Variants in GLTP observed in about 807,000 individuals in gnomAD.
GLTP encodes glycolipid transfer protein.
Under a neutral mutation model 24.0 loss-of-function variants are expected in GLTP, and 22 were observed. The ratio of observed to expected loss-of-function variants is 0.92; its 90% CI spans 0.65 to 1.31. The LOEUF is 1.31. Among genes scored for constraint, GLTP ranks in the 50% most tolerant of loss-of-function variants. The probability of loss-of-function intolerance (pLI) is 0.00; values close to 1 mark genes in which losing one functional copy is unlikely to be tolerated. For synonymous variants in GLTP, 92 were observed against 115.9 expected, an observed-to-expected ratio of 0.79 and a Z score of 1.33; for missense variants, 224 against 276.6, an observed-to-expected ratio of 0.81 and a Z score of 1.35.
intron 1 of GLTP, among the ~76,000 whole-genome samples, chr12:109,875,097 G>A (rs1438983589): frequency 6.6e-6 from 1 of 152,034 alleles, no homozygotes; most frequent in Non-Finnish European, 1.5e-5. Flanking sequence ...GAGAGAGAAG[G>A]GCCCAGCATC....
chr12:109,859,015 A>G (rs1177458548), intron 1 of GLTP, among the ~76,000 whole-genome samples: 2 of 152,144 alleles, frequency 1.3e-5, no homozygotes, highest in Non-Finnish European at 2.9e-5. Flanking sequence ...CCTAAGACAC[A>G]CATTTGATTC....
At chr12:109,877,446 T>C (rs926075444) in intron 1 of GLTP, among the ~76,000 whole-genome samples, 1 of 152,178 alleles carries the variant, frequency 6.6e-6, no homozygotes, top group Admixed American at 6.5e-5. Context: ...TATCTAGAGC[T>C]ATGGTTCTCA....
chr12:109,869,317 A>AAAAG (rs1214165499), intron 1 of GLTP, among the ~76,000 whole-genome samples: 59 of 136,770 alleles, frequency 4.3e-4, no homozygotes, highest in Middle Eastern at 3.8e-3. Flanking sequence ...AAAAAAAAAA[A>AAAAG]AAAGAAAGAA....
intron 1 of GLTP, among the ~76,000 whole-genome samples, chr12:109,864,465 C>T (rs7966820): frequency 0.55 from 83,056 of 151,992 alleles, 23,294 homozygotes; most frequent in South Asian, 0.66. Flanking sequence ...TCAGGCCCTT[C>T]GGTTTCTACA....
chr12:109,861,262 T>A (rs778940348), intron 1 of GLTP, among the ~76,000 whole-genome samples: 9 of 152,056 alleles, frequency 5.9e-5, no homozygotes, highest in Non-Finnish European at 1.2e-4. Context: ...AGAAACAGCA[T>A]TAAACATTTA....
At chr12:109,861,717 C>T (rs954560245) in intron 1 of GLTP, among the ~76,000 whole-genome samples, 1 of 150,794 alleles carries the variant, frequency 6.6e-6, no homozygotes, top group African/African-American at 2.4e-5. Context: ...CACTGCACTC[C>T]AGCCTGGCGA....
chr12:109,858,549 G>A (rs1464567435), intron 2 of GLTP, 134 bp downstream of exon 2: 8 of 716,732 alleles, frequency 1.1e-5, no homozygotes, highest in Admixed American at 3.9e-5. Context: ...GACAAGCTTG[G>A]GGCCCATCTT....
chr12:109,861,726 G>A lies in GLTP; in HGVS notation c.104-2985C>T, dbSNP rs906058766. 5.6e-5 allele frequency among the ~76,000 whole-genome samples: 8 copies of A among 143,664 alleles called. No homozygotes were observed. In the South Asian group the frequency reaches 1.9e-3, roughly 35 times the overall value. 94.2% of individuals were successfully genotyped at this position (143,664 alleles called of 152,430 possible). On this transcript the variant is annotated intron_variant, in intron 1 of 4. Transcript: ENST00000318348. ...TTGTGCCACTGCACTCCAGCCTGGC[G>A]ACAGAGCAAGACTCCACCTCAAAAA... is the stretch of plus-strand genomic sequence containing the variant.
chr12:109,873,633 CA>C (rs774803716), intron 1 of GLTP, among the ~76,000 whole-genome samples: 5,475 of 53,658 alleles, frequency 0.1, 111 homozygotes, highest in African/African-American at 0.22. Context: ...GACTCTGTCT[CA>C]AAAAAAAAAA....
At chr12:109,873,223 G>C (rs1431633272) in intron 1 of GLTP, among the ~76,000 whole-genome samples, 1 of 152,086 alleles carries the variant, frequency 6.6e-6, no homozygotes, top group African/African-American at 2.4e-5. Flanking sequence ...GTAAGGCTGT[G>C]GTAGGTGGTC....
chr12:109,852,746 A>G lies in GLTP; in HGVS notation c.448-9T>C. 2 of 1,601,076 alleles carry G rather than the reference A, an allele frequency of 1.2e-6. No homozygotes were observed. Among genetic ancestry groups the G allele is most frequent in the Non-Finnish European group, 1.7e-6 (2 of 1,169,136 alleles). Reference sequence around the variant, plus strand: ...GCTGCGTACAGTGCTGCCTTGAGACAGGCAAGAAGGGAGGTAGGCACAGCG... The same window carrying G: ...GCTGCGTACAGTGCTGCCTTGAGACGGGCAAGAAGGGAGGTAGGCACAGCG... On this transcript the variant is annotated splice_polypyrimidine_tract_variant and intron_variant, in intron 4 of 4. Transcript: ENST00000318348.
rs544657201 is a variant in GLTP, at chr12:109,855,986, G to T, written c.297-217C>A. On this transcript the variant is annotated intron_variant, in intron 3 of 4. Transcript: ENST00000318348. The surrounding 1 kb of genome is among the most constrained non-coding windows in gnomAD (Gnocchi z 4.1). Reference sequence around the variant, plus strand: ...GAGCACCTTCTCTCCTCCAGGCCTGGTGCTGGCCCATGACAAGTCACACTG... The same window carrying T: ...GAGCACCTTCTCTCCTCCAGGCCTGTTGCTGGCCCATGACAAGTCACACTG... 6.6e-6 allele frequency among the ~76,000 whole-genome samples: 1 copy of T among 152,026 alleles called. No individual in the cohort carries two copies. Among genetic ancestry groups the T allele is most frequent in the African/African-American group, 2.4e-5 (1 of 41,388 alleles).
intron 1 of GLTP, among the ~76,000 whole-genome samples, chr12:109,862,262 C>T (rs1017450103): frequency 6.6e-6 from 1 of 152,160 alleles, no homozygotes; most frequent in African/African-American, 2.4e-5. Flanking sequence ...ACCCTTTAAC[C>T]TCACCTGATG....
chr12:109,867,782 T>TCA (rs1868577366), intron 1 of GLTP, among the ~76,000 whole-genome samples: 1 of 150,064 alleles, frequency 6.7e-6, no homozygotes, highest in South Asian at 2.1e-4. Context: ...TTTTCTCTTT[T>TCA]TTTTTTTTTT....
intron 1 of GLTP, among the ~76,000 whole-genome samples, chr12:109,873,718 A>T (rs937943972): frequency 1.3e-5 from 2 of 149,854 alleles, no homozygotes; most frequent in African/African-American, 2.5e-5. Context: ...CTGAGGCAGG[A>T]GGATCACTTG....
rs2136043366 is a variant in GLTP at position 109,857,618 on chromosome 12, C to T, written c.204G>A (p.Arg68=). 6.2e-7 allele frequency: 1 copy of T among 1,613,994 alleles called. No homozygotes were observed. Among genetic ancestry groups the T allele is most frequent in the East Asian group, 2.2e-5 (1 of 44,882 alleles). The change falls in exon 3 of 5, where the codon CGG becomes CGA. Residue 68 remains arginine (R), a synonymous_variant. Coordinates refer to ENST00000318348, the MANE Select transcript of GLTP (RefSeq NM_016433.4). This position sits in a 1 kb window ranked among gnomAD's most constrained non-coding sequence, Gnocchi z 4.3. Reference sequence around the variant, plus strand: ...CCACCTCCAGGATGTTCTGCAGGGTCCGGAACTTGGCTGGGTTGGTGTCGT... The same window carrying T: ...CCACCTCCAGGATGTTCTGCAGGGTTCGGAACTTGGCTGGGTTGGTGTCGT... ...AVYDTNPAKF[R]TLQNILEVEK...
intron 1 of GLTP, among the ~76,000 whole-genome samples, chr12:109,876,377 T>C (rs1868878340): frequency 6.6e-6 from 1 of 152,052 alleles, no homozygotes; most frequent in African/African-American, 2.4e-5. Context: ...TAGCTAAGCA[T>C]GGTGGCACAT....
intron 1 of GLTP, among the ~76,000 whole-genome samples, chr12:109,871,389 T>A (rs974148066): frequency 3.3e-5 from 5 of 152,064 alleles, no homozygotes; most frequent in Admixed American, 2.0e-4. Flanking sequence ...CCGGCCCCAA[T>A]ATTTCCATTC....
At chr12:109,864,876 T>C (rs1027288559) in intron 1 of GLTP, among the ~76,000 whole-genome samples, 2 of 152,158 alleles carry the variant, frequency 1.3e-5, no homozygotes, top group Non-Finnish European at 2.9e-5. Context: ...TGAGGCAGAG[T>C]CTCACTCCGT....
Sources: gnomAD v4.1 joint callset for allele counts (sites outside exome capture counted in the v4.1 genomes callset) on GRCh38, gnomAD v4.1.1 for gene constraint, Gnocchi (gnomAD v3.1) non-coding constraint, MANE v1.5 for transcripts, NCBI Gene and HGNC (gene_info 2026-07-23, HGNC 2026-07-21) for gene names.